The following STXBP6 variants were observed in gnomAD, a reference collection of about 807,000 sequenced individuals.
STXBP6 encodes the protein syntaxin binding protein 6.
Under a neutral mutation model 26.9 loss-of-function variants are expected in STXBP6, and 21 were observed. That is an observed-to-expected ratio of 0.78 (90% CI 0.55 to 1.12). The LOEUF is 1.12. Among genes scored for constraint, STXBP6 ranks in the 50% most tolerant of loss-of-function variants. The pLI is 0.00. For synonymous variants in STXBP6, 97 were observed against 92.6 expected (o/e 1.05, Z -0.27); for missense variants, 232 against 257.9 (o/e 0.90, Z 0.69).
chr14:24,928,966 G>C (rs970477216), intron 2 of STXBP6, among the ~76,000 whole-genome samples: 2 of 151,838 alleles, frequency 1.3e-5, no homozygotes. Context: ...AAAAAAAATA[G>C]TGTGACATTC....
intron 2 of STXBP6, among the ~76,000 whole-genome samples, chr14:24,894,125 G>A (rs1004742909): frequency 6.6e-6 from 1 of 152,150 alleles, no homozygotes; most frequent in African/African-American, 2.4e-5. Context: ...AATTCAGCTT[G>A]CATTTTAGAA....
chr14:24,950,351 G>A (rs774258105), intron 2 of STXBP6, among the ~76,000 whole-genome samples: 1 of 152,056 alleles, frequency 6.6e-6, no homozygotes, highest in African/African-American at 2.4e-5. Flanking sequence ...ACAGAAATAT[G>A]TAATTATATT....
intron 2 of STXBP6, among the ~76,000 whole-genome samples, chr14:24,889,889 T>TTGTAC (rs1214739870): frequency 3.9e-5 from 6 of 152,230 alleles, no homozygotes; most frequent in Non-Finnish European, 8.8e-5. Flanking sequence ...AGAAGCACAC[T>TTGTAC]TGAAGTTGAG....
chr14:24,852,660 CT>C (rs1296607997), intron 4 of STXBP6, among the ~76,000 whole-genome samples: 1 of 152,056 alleles, frequency 6.6e-6, no homozygotes, highest in Non-Finnish European at 1.5e-5. Context: ...AAAAAAATAG[CT>C]TAAGAATTAT....
intron 1 of STXBP6, among the ~76,000 whole-genome samples, chr14:25,002,734 A>G (rs2074793551): frequency 6.6e-6 from 1 of 151,978 alleles, no homozygotes; most frequent in African/African-American, 2.4e-5. Context: ...AAGTTAAGCA[A>G]CAAGTCAGCA....
intron 4 of STXBP6, among the ~76,000 whole-genome samples, chr14:24,855,160 A>T (rs778234170): frequency 1.3e-5 from 2 of 152,136 alleles, no homozygotes; most frequent in East Asian, 3.9e-4. Flanking sequence ...GCCCAAGGAG[A>T]AGATGTGATG....
chr14:24,853,077 T>C (rs2069210483), intron 4 of STXBP6, among the ~76,000 whole-genome samples: 2 of 152,128 alleles, frequency 1.3e-5, no homozygotes, highest in Admixed American at 1.3e-4. Context: ...CTAACACCAG[T>C]ATTAGTTCTT....
intron 4 of STXBP6, among the ~76,000 whole-genome samples, chr14:24,837,555 T>A (rs1202182339): frequency 6.6e-6 from 1 of 152,160 alleles, no homozygotes; most frequent in African/African-American, 2.4e-5. Flanking sequence ...GGAGGAACTG[T>A]GTTAGCAGGT....
At chr14:24,965,422 T>C (rs1257363517) in intron 2 of STXBP6, among the ~76,000 whole-genome samples, 2 of 151,718 alleles carry the variant, frequency 1.3e-5, no homozygotes, top group African/African-American at 4.9e-5. Context: ...AATGGGTTTT[T>C]TGGGGGGTAA....
At chr14:24,959,401 C>T (rs185296351) in intron 2 of STXBP6, among the ~76,000 whole-genome samples, 138 of 152,142 alleles carry the variant, frequency 9.1e-4, no homozygotes, top group South Asian at 1.9e-3. Context: ...GGAGCAACAG[C>T]GATGGGGAGA....
intron 1 of STXBP6, among the ~76,000 whole-genome samples, chr14:24,979,109 T>G (rs965894255): frequency 1.3e-5 from 2 of 152,230 alleles, no homozygotes; most frequent in African/African-American, 4.8e-5. Flanking sequence ...GAATCTCCTC[T>G]GGTAAGGCAA....
chr14:25,019,515 C>T (rs1437414822), intron 1 of STXBP6, among the ~76,000 whole-genome samples: 1 of 152,224 alleles, frequency 6.6e-6, no homozygotes, highest in African/African-American at 2.4e-5. Context: ...CCTATCCTAA[C>T]ATAAGGAAAT....
At chr14:24,859,690 C>T (rs2069462949) in intron 2 of STXBP6, among the ~76,000 whole-genome samples, 1 of 152,100 alleles carries the variant, frequency 6.6e-6, no homozygotes, top group African/African-American at 2.4e-5. Flanking sequence ...TTATCTGGAT[C>T]AGTAATATCA....
At chr14:24,988,793 T>C (rs1383340385) in intron 1 of STXBP6, among the ~76,000 whole-genome samples, 1 of 152,056 alleles carries the variant, frequency 6.6e-6, no homozygotes, top group Non-Finnish European at 1.5e-5. Flanking sequence ...TGAACCCTTG[T>C]AGAAGAGCAA....
At chr14:24,959,554 C>G (rs1229474740) in intron 2 of STXBP6, among the ~76,000 whole-genome samples, 3 of 152,166 alleles carry the variant, frequency 2.0e-5, no homozygotes, top group Non-Finnish European at 4.4e-5. Flanking sequence ...TGTGACTTAA[C>G]GTTTATCTTC....
intron 1 of STXBP6, among the ~76,000 whole-genome samples, chr14:24,989,840 G>A (rs2074421054): frequency 6.6e-6 from 1 of 152,196 alleles, no homozygotes; most frequent in African/African-American, 2.4e-5. Context: ...GGGAGGTGTA[G>A]CCTTCTGCCC....
chr14:25,015,312 A>C lies in STXBP6; in HGVS notation c.-33+34566T>G, dbSNP rs189918904. Among the ~76,000 whole-genome samples, 20 of 152,288 alleles carry C rather than the reference A, an allele frequency of 1.3e-4. No homozygotes were observed. The East Asian group carries it at 3.3e-3, about 25-fold the overall frequency. The stretch of plus-strand genomic sequence containing the variant: ...TCAGTGCAGGAAGCTGGAGACAGAG[A>C]TATCTGGGACCTAATGAAGGGGCCT... On this transcript the variant is annotated intron_variant, in intron 1 of 5. Transcript: ENST00000323944.
chr14:24,919,996 G>A (rs891691493), intron 2 of STXBP6, among the ~76,000 whole-genome samples: 1 of 151,992 alleles, frequency 6.6e-6, no homozygotes, highest in African/African-American at 2.4e-5. Context: ...GAGAAAACTT[G>A]GGTAAAATTT....
At chr14:25,015,376 C>G (rs930537952) in intron 1 of STXBP6, among the ~76,000 whole-genome samples, 2 of 151,994 alleles carry the variant, frequency 1.3e-5, no homozygotes, top group African/African-American at 2.4e-5. Flanking sequence ...CAGACACATA[C>G]CCTGCCCACC....
Sources: gnomAD v4.1 joint callset for allele counts (sites outside exome capture counted in the v4.1 genomes callset) on GRCh38, gnomAD v4.1.1 for gene constraint, MANE v1.5 for transcripts, NCBI Gene and HGNC (gene_info 2026-07-23, HGNC 2026-07-21) for gene names.